Variants in RNF150 observed in about 807,000 individuals in gnomAD.
RNF150 encodes the protein ring finger protein 150.
Under a neutral mutation model 39.3 loss-of-function variants are expected in RNF150, and 24 were observed. The observed-to-expected ratio is 0.61, with a 90% confidence interval of 0.44 to 0.86. The LOEUF (loss-of-function observed/expected upper bound fraction) is 0.86, where lower values mean the gene tolerates loss of function less well. Among genes scored for constraint, RNF150 ranks in the 40% least tolerant of loss-of-function variants. The probability of loss-of-function intolerance (pLI) is 0.00; values close to 1 mark genes in which losing one functional copy is unlikely to be tolerated. For missense variants in RNF150, 502 were observed against 587.8 expected (o/e 0.85, Z 1.51); for synonymous variants, 255 against 227.3 (o/e 1.12, Z -1.10).
intron 2 of RNF150, among the ~76,000 whole-genome samples, chr4:140,958,672 C>T (rs1357149114): frequency 6.6e-6 from 1 of 152,086 alleles, no homozygotes; most frequent in Non-Finnish European, 1.5e-5. Context: ...ACTGTGGTTT[C>T]CTCTCTGCAA....
chr4:141,071,607 C>A (rs183574939), intron 1 of RNF150, among the ~76,000 whole-genome samples: 8 of 152,154 alleles, frequency 5.3e-5, no homozygotes, highest in African/African-American at 1.9e-4. Context: ...TGGTACAAAT[C>A]TAAATACGTG....
rs566264450 is a variant in RNF150 at position 141,052,439 on chromosome 4, G to A, written c.484+79886C>T. Among the ~76,000 whole-genome samples the A allele has an allele frequency of 5.9e-5, 9 of 152,194 alleles. 1 individual carries two copies. The South Asian group carries it at 1.0e-3, about 18-fold the overall frequency. On this transcript the variant is annotated intron_variant, in intron 1 of 6. Coordinates refer to ENST00000515673, the MANE Select transcript of RNF150 (RefSeq NM_020724.2). ...TACCCAGGCTGGAGTGCAGTGGCGC[G>A]ATCTTGGCTCACTGCAACCTCCACC...
chr4:141,111,961 A>G (rs1199951067), intron 1 of RNF150, among the ~76,000 whole-genome samples: 1 of 152,186 alleles, frequency 6.6e-6, no homozygotes, highest in Non-Finnish European at 1.5e-5. Context: ...GGAGAAATGC[A>G]AAAGAACTGA....
At chr4:141,147,066 C>T (rs1175259473) in intron 1 of RNF150, among the ~76,000 whole-genome samples, 3 of 152,148 alleles carry the variant, frequency 2.0e-5, no homozygotes, top group African/African-American at 4.8e-5. Context: ...TCGCTCCTCC[C>T]ACCTCAGCAT....
intron 1 of RNF150, among the ~76,000 whole-genome samples, chr4:141,195,722 T>C (rs1728191246): frequency 6.6e-6 from 1 of 152,238 alleles, no homozygotes; most frequent in Non-Finnish European, 1.5e-5. Flanking sequence ...AAAGATTTTA[T>C]GCAATGTTTA....
intron 1 of RNF150, among the ~76,000 whole-genome samples, chr4:141,025,300 T>C (rs1735655123): frequency 6.6e-6 from 1 of 152,132 alleles, no homozygotes; most frequent in Non-Finnish European, 1.5e-5. Context: ...AATCAGTTAT[T>C]CAATTAAATA....
At chr4:141,100,342 C>A (rs1738961717) in intron 1 of RNF150, among the ~76,000 whole-genome samples, 1 of 152,140 alleles carries the variant, frequency 6.6e-6, no homozygotes, top group Admixed American at 6.5e-5. Flanking sequence ...AGGAGTTCTC[C>A]TCTTCAACTG....
At chr4:141,017,453 C>A (rs1378970056) in intron 1 of RNF150, among the ~76,000 whole-genome samples, 1 of 152,158 alleles carries the variant, frequency 6.6e-6, no homozygotes, top group East Asian at 1.9e-4. Flanking sequence ...TCATCAACAT[C>A]CCATATTAAT....
intron 4 of RNF150, among the ~76,000 whole-genome samples, chr4:140,937,140 C>A (rs1489368409): frequency 1.3e-5 from 2 of 152,032 alleles, no homozygotes; most frequent in South Asian, 2.1e-4. Context: ...AAACAACTAA[C>A]CTCATGATTT....
intron 1 of RNF150, among the ~76,000 whole-genome samples, chr4:141,159,789 C>A (rs1326190249): frequency 6.6e-6 from 1 of 152,146 alleles, no homozygotes; most frequent in African/African-American, 2.4e-5. Flanking sequence ...AGTGATCCAC[C>A]CACCTTGGCC....
At chr4:141,087,311 T>C (rs78188210) in intron 1 of RNF150, among the ~76,000 whole-genome samples, 15,057 of 152,254 alleles carry the variant, frequency 0.099, 846 homozygotes, top group African/African-American at 0.12. Flanking sequence ...GCAAAAGACA[T>C]GACCATGGTT....
At chr4:141,003,610 T>TACAC (rs1370495459) in intron 1 of RNF150, among the ~76,000 whole-genome samples, 1 of 125,062 alleles carries the variant, frequency 8.0e-6, no homozygotes, top group African/African-American at 3.1e-5. Context: ...CACACACACG[T>TACAC]GTGCACACTC....
intron 5 of RNF150, among the ~76,000 whole-genome samples, chr4:140,911,749 A>G (rs529758210): frequency 3.9e-5 from 6 of 152,332 alleles, no homozygotes; most frequent in South Asian, 2.1e-4. Flanking sequence ...CCTGATCATT[A>G]TCCCTTAAAA....
chr4:141,009,135 TG>T (rs1343630480), intron 1 of RNF150, among the ~76,000 whole-genome samples: 3 of 152,202 alleles, frequency 2.0e-5, no homozygotes, highest in Non-Finnish European at 4.4e-5. Flanking sequence ...GTGGAGCAAC[TG>T]GAACTCTCTT....
At chr4:141,034,521 G>GCT (rs1736070537) in intron 1 of RNF150, among the ~76,000 whole-genome samples, 1 of 152,070 alleles carries the variant, frequency 6.6e-6, no homozygotes, top group African/African-American at 2.4e-5. Context: ...TCACAACTAG[G>GCT]TAAACTGTTT....
intron 4 of RNF150, among the ~76,000 whole-genome samples, chr4:140,935,007 AAATAT>A (rs1731786273): frequency 9.5e-6 from 1 of 105,322 alleles, no homozygotes; most frequent in African/African-American, 3.6e-5. Flanking sequence ...ATATATATAT[AAATAT>A]ATATATATTA....
At chr4:140,947,107 G>T (rs1732345659) in intron 4 of RNF150, among the ~76,000 whole-genome samples, 1 of 151,528 alleles carries the variant, frequency 6.6e-6, no homozygotes, top group South Asian at 2.1e-4. Flanking sequence ...TACATGCCTG[G>T]CATCCTCCCC....
intron 1 of RNF150, among the ~76,000 whole-genome samples, chr4:141,062,885 G>A (rs1737293799): frequency 6.6e-6 from 1 of 152,098 alleles, no homozygotes; most frequent in African/African-American, 2.4e-5. Flanking sequence ...TCATGGTCAT[G>A]TGCACCCAGT....
chr4:140,986,760 T>G (rs1734028910), intron 1 of RNF150, among the ~76,000 whole-genome samples: 1 of 151,964 alleles, frequency 6.6e-6, no homozygotes, highest in African/African-American at 2.4e-5. Context: ...ATATTACAAT[T>G]ATGAAGCAGT....
Sources: gnomAD v4.1 joint callset for allele counts (sites outside exome capture counted in the v4.1 genomes callset) on GRCh38, gnomAD v4.1.1 for gene constraint, MANE v1.5 for transcripts, NCBI Gene and HGNC (gene_info 2026-07-23, HGNC 2026-07-21) for gene names.